SORCS3: variants seen among roughly 807,000 people sequenced by gnomAD.
SORCS3 encodes the protein VPS10 domain-containing receptor SorCS3.
Under a neutral mutation model 146.3 loss-of-function variants are expected in SORCS3, and 57 were observed. That is an observed-to-expected ratio of 0.39 (90% CI 0.31 to 0.49). SORCS3 has a LOEUF of 0.49. Ranked by LOEUF, SORCS3 falls within the 20% of genes least tolerant of loss-of-function variation. SORCS3 has a pLI of 0.92. For synonymous variants in SORCS3, 653 were observed against 618.5 expected (o/e 1.06, Z -0.83); for missense variants, 1,341 against 1,575.5 (o/e 0.85, Z 2.52).
At chr10:104,670,905 TA>T (rs1463916959) in intron 1 of SORCS3, among the ~76,000 whole-genome samples, 1 of 152,184 alleles carries the variant, frequency 6.6e-6, no homozygotes, top group South Asian at 2.1e-4. Flanking sequence ...AATTCCTAAG[TA>T]TTTTATTATT....
At chr10:104,839,857 T>C (rs965677029) in intron 1 of SORCS3, among the ~76,000 whole-genome samples, 1 of 152,146 alleles carries the variant, frequency 6.6e-6, no homozygotes, top group Non-Finnish European at 1.5e-5. Context: ...ACTGCTGGGC[T>C]AAGATGGACA....
At chr10:105,251,716 G>A (rs892074942) in intron 22 of SORCS3, among the ~76,000 whole-genome samples, 6 of 152,132 alleles carry the variant, frequency 3.9e-5, no homozygotes, top group South Asian at 4.1e-4. Context: ...TACCCTTCAC[G>A]GGGGAGAACT....
intron 1 of SORCS3, among the ~76,000 whole-genome samples, chr10:104,820,715 C>T (rs1376961361): frequency 1.3e-5 from 2 of 152,210 alleles, no homozygotes; most frequent in Non-Finnish European, 1.5e-5. Flanking sequence ...ATTTTTGACT[C>T]CCCCTAAAAT....
chr10:105,162,616 G>A (rs1021608523), intron 11 of SORCS3, among the ~76,000 whole-genome samples: 1 of 152,150 alleles, frequency 6.6e-6, no homozygotes, highest in Non-Finnish European at 1.5e-5. Flanking sequence ...TCTTTCAGAG[G>A]TCTCTTCAAT....
chr10:104,777,992 G>T (rs1346099302), intron 1 of SORCS3, among the ~76,000 whole-genome samples: 1 of 152,144 alleles, frequency 6.6e-6, no homozygotes, highest in East Asian at 1.9e-4. Flanking sequence ...AGGGTTGAAG[G>T]TAAGCTCATT....
rs1012457448 is a variant in SORCS3, at chr10:105,015,695, A to G, written c.955-27360A>G. On this transcript the variant is annotated intron_variant, in intron 4 of 26. Transcript: ENST00000369701. Reference sequence around the variant, plus strand: ...TTTGGGTTCAGGAAGAATCATGGAGATAGCTTCAATGGAAGAAGTAAGGTT... The same window carrying G: ...TTTGGGTTCAGGAAGAATCATGGAGGTAGCTTCAATGGAAGAAGTAAGGTT... Among the ~76,000 whole-genome samples the G allele has an allele frequency of 2.6e-5, 4 of 152,086 alleles. No homozygotes were observed. The East Asian group carries it at 7.7e-4, about 29-fold the overall frequency.
intron 1 of SORCS3, among the ~76,000 whole-genome samples, chr10:104,662,776 G>A (rs189756010): frequency 1.7e-3 from 264 of 152,324 alleles, no homozygotes; most frequent in Non-Finnish European, 1.7e-3. Context: ...GTGTTTTTCG[G>A]AACTAGGAGA....
Position 105,043,181 on chromosome 10 carries a change from C to T in SORCS3, c.1028+53C>T, listed in dbSNP as rs1292610975. On this transcript the variant is annotated intron_variant, in intron 5 of 26. Coordinates refer to ENST00000369701, the MANE Select transcript of SORCS3 (RefSeq NM_014978.3). ...TCTTAGATAAAGAATTATCAAACAG[C>T]GTAGCACTCTAGACAGCTCTGGACA... 41 of 1,488,474 alleles carry T rather than the reference C, an allele frequency of 2.8e-5. No homozygotes were observed. In the East Asian group the frequency reaches 5.4e-4, roughly 20 times the overall value. 92.2% of individuals were successfully genotyped at this position (1,488,474 alleles called of 1,614,324 possible).
At chr10:105,070,375 C>T (rs1349741978) in intron 5 of SORCS3, among the ~76,000 whole-genome samples, 2 of 152,198 alleles carry the variant, frequency 1.3e-5, no homozygotes, top group Admixed American at 6.5e-5. Context: ...TGATTTTATA[C>T]CACCTCGGTG....
At chr10:105,200,747 A>C (rs982254295) in intron 15 of SORCS3, among the ~76,000 whole-genome samples, 3 of 152,184 alleles carry the variant, frequency 2.0e-5, no homozygotes, top group Non-Finnish European at 4.4e-5. Flanking sequence ...CATGTGAAAA[A>C]TGTGCCATAA....
intron 3 of SORCS3, among the ~76,000 whole-genome samples, chr10:104,952,481 T>C (rs1414885536): frequency 6.6e-6 from 1 of 152,096 alleles, no homozygotes; most frequent in Non-Finnish European, 1.5e-5. Context: ...CATGAGCATA[T>C]TAAAGTTTGA....
intron 1 of SORCS3, among the ~76,000 whole-genome samples, chr10:104,755,826 A>G (rs1465504651): frequency 1.3e-5 from 2 of 152,240 alleles, no homozygotes. Context: ...GTTATCACAC[A>G]GAATCATAAT....
Position 105,113,857 on chromosome 10 carries a change from G to A in SORCS3, c.1212+8342G>A, listed in dbSNP as rs539774583. ...TCCCAGAAGAGCCCTTGTTTTAATA[G>A]GGAAGAGTCTGCCTGAAATGCCTCC... On this transcript the variant is annotated intron_variant, in intron 7 of 26. Coordinates refer to ENST00000369701, the MANE Select transcript of SORCS3 (RefSeq NM_014978.3). Among the ~76,000 whole-genome samples, 3 of 152,256 alleles carry A rather than the reference G, an allele frequency of 2.0e-5. No individual in the cohort carries two copies. The South Asian group carries it at 6.2e-4, about 32-fold the overall frequency.
intron 1 of SORCS3, among the ~76,000 whole-genome samples, chr10:104,658,973 TC>T (rs1457314310): frequency 1.3e-5 from 2 of 152,102 alleles, no homozygotes; most frequent in Non-Finnish European, 2.9e-5. Flanking sequence ...CATCTGAGAC[TC>T]AAGTTTCCTC....
chr10:105,228,429 T>G (rs1052235992), intron 20 of SORCS3, among the ~76,000 whole-genome samples: 2 of 151,846 alleles, frequency 1.3e-5, no homozygotes, highest in Non-Finnish European at 2.9e-5. Flanking sequence ...TTTCTTGCTT[T>G]CTTTCTTGCT....
At chr10:104,662,082 C>T (rs747647983) in intron 1 of SORCS3, among the ~76,000 whole-genome samples, 1 of 152,062 alleles carries the variant, frequency 6.6e-6, no homozygotes, top group Non-Finnish European at 1.5e-5. Context: ...TTATCAAGCT[C>T]ACATGGCTAA....
intron 2 of SORCS3, among the ~76,000 whole-genome samples, chr10:104,904,819 C>T (rs1367474726): frequency 6.7e-6 from 1 of 149,542 alleles, no homozygotes; most frequent in Admixed American, 6.7e-5. Flanking sequence ...GTATTTCTAC[C>T]ATAAATTTTC....
intron 1 of SORCS3, among the ~76,000 whole-genome samples, chr10:104,681,212 T>C (rs531243023): frequency 6.6e-6 from 1 of 152,290 alleles, no homozygotes; most frequent in South Asian, 2.1e-4. Flanking sequence ...ACAAACCCAC[T>C]TTCTGGAGAG....
intron 4 of SORCS3, among the ~76,000 whole-genome samples, chr10:104,996,060 G>A (rs1197711187): frequency 6.6e-6 from 1 of 152,016 alleles, no homozygotes; most frequent in East Asian, 1.9e-4. Context: ...AAATTAATTG[G>A]CCATATATGT....
Sources: gnomAD v4.1 joint callset for allele counts (sites outside exome capture counted in the v4.1 genomes callset) on GRCh38, gnomAD v4.1.1 for gene constraint, MANE v1.5 for transcripts, NCBI Gene and HGNC (gene_info 2026-07-23, HGNC 2026-07-21) for gene names.